Variants in ZBTB8A observed in about 807,000 individuals in gnomAD.
ZBTB8A encodes zinc finger and BTB domain-containing protein 8A.
Under a neutral mutation model 37.8 loss-of-function variants are expected in ZBTB8A, and 19 were observed. The ratio of observed to expected loss-of-function variants is 0.50; its 90% CI spans 0.35 to 0.74. The LOEUF (loss-of-function observed/expected upper bound fraction) is 0.74. Ranked by LOEUF, ZBTB8A falls within the 30% of genes least tolerant of loss-of-function variation. The pLI is 0.01. For synonymous variants in ZBTB8A, 181 were observed against 185.2 expected (o/e 0.98, Z 0.19); for missense variants, 394 against 537.8 (o/e 0.73, Z 2.65).
intron 2 of ZBTB8A, among the ~76,000 whole-genome samples, chr1:32,589,509 C>A (rs1478459585): frequency 6.8e-6 from 1 of 147,160 alleles, no homozygotes; most frequent in East Asian, 2.0e-4. Context: ...CCTCAGCCTC[C>A]CAAAGTGCTG....
Position 32,604,198 on chromosome 1 carries a change from A to G in ZBTB8A, c.*3779A>G, listed in dbSNP as rs1489440521. On this transcript the variant is annotated 3_prime_UTR_variant, in exon 5 of 5. Transcript: ENST00000373510. ...GTATAGGATGAAGCATTACAAAAAG[A>G]AAGCACCACTGCAGTCATGCCTAGT... The G allele has an allele frequency of 6.6e-6, 1 of 152,204 alleles. No individual in the cohort carries two copies. Among genetic ancestry groups the G allele is most frequent in the Admixed American group, 6.6e-5 (1 of 15,260 alleles). The allele number at this position is 152,204 out of a possible 1,614,324, so 9.4% of individuals were successfully genotyped here.
chr1:32,564,232 A>G (rs146096558), intron 2 of ZBTB8A, among the ~76,000 whole-genome samples: 1,607 of 152,248 alleles, frequency 0.011, 19 homozygotes, highest in Non-Finnish European at 0.016. Flanking sequence ...AGAATAACTC[A>G]TCCCTAAGAA....
Position 32,570,580 on chromosome 1 carries a change from C to G in ZBTB8A, c.-2+17040C>G, listed in dbSNP as rs181195726. Among the ~76,000 whole-genome samples, 151 of 152,272 alleles carry G rather than the reference C, an allele frequency of 9.9e-4. 2 individuals carry two copies. The highest frequency in any genetic ancestry group is 6.8e-3 in the Middle Eastern group (2 of 294). ...CCACTTATTTAGATTGTTTATATTTCTCTCAAGTATTTTGTGGTTTTGAAT... is the reference window on the plus strand; with the variant it reads ...CCACTTATTTAGATTGTTTATATTTGTCTCAAGTATTTTGTGGTTTTGAAT... On this transcript the variant is annotated intron_variant, in intron 2 of 4. Transcript: ENST00000373510.
At chr1:32,594,203 A>T (rs1472762696) in intron 3 of ZBTB8A, among the ~76,000 whole-genome samples, 3 of 151,894 alleles carry the variant, frequency 2.0e-5, no homozygotes, top group African/African-American at 7.3e-5. Context: ...CAAAAAAACA[A>T]AAAAAGAAGA....
At chr1:32,580,994 C>A in intron 2 of ZBTB8A, among the ~76,000 whole-genome samples, 1 of 148,088 alleles carries the variant, frequency 6.8e-6, no homozygotes, top group Non-Finnish European at 1.5e-5. Context: ...CTAATAACTT[C>A]TTTAATCTAC....
chr1:32,564,662 C>A (rs538679075), intron 2 of ZBTB8A, among the ~76,000 whole-genome samples: 1 of 151,964 alleles, frequency 6.6e-6, no homozygotes, highest in Non-Finnish European at 1.5e-5. Context: ...CAAAATATAC[C>A]TAAAACAATT....
At chr1:32,548,330 G>A (rs1467200263) in intron 1 of ZBTB8A, among the ~76,000 whole-genome samples, 5 of 150,438 alleles carry the variant, frequency 3.3e-5, no homozygotes, top group East Asian at 3.9e-4. Context: ...CACATTTTTT[G>A]TTTTTGTTTT....
At chr1:32,566,002 C>T (rs901443653) in intron 2 of ZBTB8A, among the ~76,000 whole-genome samples, 13 of 151,510 alleles carry the variant, frequency 8.6e-5, no homozygotes, top group African/African-American at 3.2e-4. Context: ...GAGATCGAGA[C>T]CATCCTGGCT....
At chr1:32,545,657 G>A (rs1644097587) in intron 1 of ZBTB8A, among the ~76,000 whole-genome samples, 1 of 152,118 alleles carries the variant, frequency 6.6e-6, no homozygotes, top group Non-Finnish European at 1.5e-5. Context: ...CCATCCTTCT[G>A]TAGGCCCACA....
chr1:32,550,184 C>A (rs1174092414), intron 1 of ZBTB8A, among the ~76,000 whole-genome samples: 1 of 151,790 alleles, frequency 6.6e-6, no homozygotes, highest in African/African-American at 2.4e-5. Flanking sequence ...ATATCGAGAC[C>A]CTTTAAAAAA....
intron 2 of ZBTB8A, among the ~76,000 whole-genome samples, chr1:32,580,828 C>T (rs1011059911): frequency 5.3e-5 from 8 of 151,592 alleles, no homozygotes; most frequent in South Asian, 2.1e-4. Context: ...CAAGGATCAT[C>T]GGATGGTGGA....
chr1:32,565,307 CAG>C (rs1644270111), intron 2 of ZBTB8A, among the ~76,000 whole-genome samples: 1 of 151,490 alleles, frequency 6.6e-6, no homozygotes, highest in African/African-American at 2.4e-5. Flanking sequence ...GGCTGGGCGA[CAG>C]GGCAAGACCC....
chr1:32,592,503 G>A (rs1480277552), intron 2 of ZBTB8A, among the ~76,000 whole-genome samples: 1 of 151,668 alleles, frequency 6.6e-6, no homozygotes, highest in Non-Finnish European at 1.5e-5. Flanking sequence ...TTGTTTGTTT[G>A]TTTTTGGGGT....
chr1:32,600,010 T>A (rs1407755288), intron 4 of ZBTB8A, 77 bp from the exon 5 acceptor site: 9 of 1,186,686 alleles, frequency 7.6e-6, no homozygotes, highest in Non-Finnish European at 9.5e-6. Context: ...ATCTTAAGTT[T>A]ATGAACTGGT....
intron 1 of ZBTB8A, among the ~76,000 whole-genome samples, chr1:32,545,378 T>C (rs1027019751): frequency 6.6e-6 from 1 of 152,208 alleles, no homozygotes; most frequent in Non-Finnish European, 1.5e-5. Context: ...CTATTTGTCT[T>C]ATTTAATCTT....
chr1:32,539,625 C>T (rs866659614), intron 1 of ZBTB8A, 53 bp downstream of exon 1: 1 of 135,034 alleles, frequency 7.4e-6, no homozygotes, highest in Middle Eastern at 3.8e-3. Context: ...CGGGGCTGCC[C>T]GGGACCCGCC....
At chr1:32,583,655 G>A (rs1405743421) in intron 2 of ZBTB8A, among the ~76,000 whole-genome samples, 2 of 152,012 alleles carry the variant, frequency 1.3e-5, no homozygotes, top group Non-Finnish European at 2.9e-5. Flanking sequence ...ATTAAATTAA[G>A]ACATGGTCAC....
intron 2 of ZBTB8A, among the ~76,000 whole-genome samples, chr1:32,581,481 A>G (rs1644406652): frequency 6.7e-6 from 1 of 150,242 alleles, no homozygotes; most frequent in Admixed American, 6.8e-5. Context: ...CCTCCCAAGT[A>G]GCTGGGATTA....
At chr1:32,547,685 G>A (rs1644117392) in intron 1 of ZBTB8A, among the ~76,000 whole-genome samples, 1 of 149,632 alleles carries the variant, frequency 6.7e-6, no homozygotes, top group South Asian at 2.1e-4. Context: ...GAATAATTTG[G>A]CACACACTTG....
Sources: allele counts gnomAD v4.1 joint callset (sites outside exome capture counted in the v4.1 genomes callset), GRCh38; gene constraint gnomAD v4.1.1; transcripts MANE v1.5; gene names NCBI Gene and HGNC (gene_info 2026-07-23, HGNC 2026-07-21).